POLK: variants seen among roughly 807,000 people sequenced by gnomAD.
The protein encoded by POLK is polymerase (DNA directed) kappa.
A neutral mutation model predicts 94.0 loss-of-function variants in POLK; 76 were observed. The observed-to-expected ratio is 0.81, with a 90% confidence interval of 0.67 to 0.98. The LOEUF (loss-of-function observed/expected upper bound fraction) is 0.98. Among genes scored for constraint, POLK ranks in the 50% least tolerant of loss-of-function variants. POLK has a pLI of 0.00. For missense variants in POLK, 954 were observed against 1,010.1 expected, an observed-to-expected ratio of 0.94 and a Z score of 0.75; for synonymous variants, 349 against 325.4, an observed-to-expected ratio of 1.07 and a Z score of -0.78.
chr5:75,596,385 G>T (rs781194178), exon 13 of POLK: 4 of 1,613,692 alleles, frequency 2.5e-6, no homozygotes, highest in Non-Finnish European at 3.4e-6. Context: ...TGTCTCATAA[G>T]AAGAGTTTCT....
intron 1 of POLK, among the ~76,000 whole-genome samples, chr5:75,531,290 T>C (rs1769167661): frequency 6.8e-6 from 1 of 147,898 alleles, no homozygotes. Context: ...GTTTATATAC[T>C]ATGTATAAAC....
rs145265233 is a variant in POLK at position 75,581,265 on chromosome 5, C to G, written c.751C>G (p.Leu251Val). The G allele has an allele frequency of 1.4e-5, 22 of 1,607,398 alleles. No individual in the cohort carries two copies. In the African/African-American group the frequency reaches 2.0e-4, roughly 15 times the overall value. The change falls in exon 7 of 15, where the codon CTA becomes GTA. Residue 251 changes from leucine (L) to valine (V), a missense_variant. Transcript: ENST00000241436. ...TGAGCATGAACGATCCATCTCTCCA[C>G]TACTTTTTGAAGAGAGTCCTTCTGA...
intron 1 of POLK, among the ~76,000 whole-genome samples, chr5:75,546,088 A>G (rs767194407): frequency 2.6e-5 from 4 of 152,174 alleles, no homozygotes; most frequent in Non-Finnish European, 4.4e-5. Context: ...CCCACACACA[A>G]TCAAAAATTC....
At chr5:75,593,811 C>A (rs1256994702) in intron 11 of POLK, 67 bp from the exon 12 acceptor site, 1 of 965,260 alleles carries the variant, frequency 1.0e-6, no homozygotes, top group Non-Finnish European at 1.5e-6. Flanking sequence ...CCAGCGCACT[C>A]CAGCATGGAC....
intron 1 of POLK, among the ~76,000 whole-genome samples, chr5:75,542,644 CATATATACACATAT>C (rs529367466): frequency 0.05 from 7,286 of 145,554 alleles, 545 homozygotes; most frequent in African/African-American, 0.17. Flanking sequence ...TACACATATA[CATATATACACATAT>C]ATATATACAC....
intron 1 of POLK, among the ~76,000 whole-genome samples, chr5:75,530,209 T>A (rs1769081946): frequency 6.6e-6 from 1 of 151,620 alleles, no homozygotes; most frequent in African/African-American, 2.4e-5. Flanking sequence ...TTTCTCACAT[T>A]TCAGGGTATT....
chr5:75,517,675 T>C (rs539419587), intron 1 of POLK, among the ~76,000 whole-genome samples: 88 of 152,290 alleles, frequency 5.8e-4, no homozygotes, highest in Middle Eastern at 3.4e-3. Context: ...CAGTATTATA[T>C]TAGATAACAG....
At chr5:75,533,011 A>G (rs1358232052) in intron 1 of POLK, among the ~76,000 whole-genome samples, 1 of 152,184 alleles carries the variant, frequency 6.6e-6, no homozygotes, top group Non-Finnish European at 1.5e-5. Context: ...CGTAGTTTGC[A>G]GAAATTTTCT....
intron 10 of POLK, among the ~76,000 whole-genome samples, chr5:75,589,854 T>C (rs1772686647): frequency 6.6e-6 from 1 of 152,226 alleles, no homozygotes; most frequent in Non-Finnish European, 1.5e-5. Context: ...TTTAATCTTA[T>C]CAGCCTTCTA....
At chr5:75,511,664 G>T, upstream of POLK, 1 of 1,500,676 alleles carries the variant, frequency 6.7e-7, no homozygotes. Flanking sequence ...CCTCCCCTTC[G>T]TCCTCCCATT....
chr5:75,541,824 A>G (rs748982548), intron 1 of POLK, among the ~76,000 whole-genome samples: 4 of 152,326 alleles, frequency 2.6e-5, no homozygotes, highest in African/African-American at 9.6e-5. Flanking sequence ...AATTGTGGCC[A>G]TATGGTTTCA....
chr5:75,546,563 C>T (rs779884981), intron 1 of POLK, among the ~76,000 whole-genome samples: 11 of 152,056 alleles, frequency 7.2e-5, no homozygotes, highest in African/African-American at 1.7e-4. Flanking sequence ...TATCATTTAA[C>T]GTTTTAAAAC....
chr5:75,581,283 CCTT>C lies in POLK; in HGVS notation c.772_774del (p.Ser258del), dbSNP rs773915529. 2.5e-6 allele frequency: 4 copies of C among 1,611,942 alleles called. No individual in the cohort carries two copies. The African/African-American group carries it at 5.3e-5, about 21-fold the overall frequency. Reference sequence around the variant, plus strand: ...CTCTCCACTACTTTTTGAAGAGAGTCCTTCTGATGTGCAGCCCCCAGGAGATCC... The same window carrying C: ...CTCTCCACTACTTTTTGAAGAGAGTCCTGATGTGCAGCCCCCAGGAGATCC... On this transcript the variant is annotated inframe_deletion, in exon 7 of 15. Transcript: ENST00000241436.
rs1233371293 is a variant in POLK at position 75,588,222 on chromosome 5, T to C, written c.1259+1164T>C. On this transcript the variant is annotated intron_variant, in intron 10 of 14. Coordinates refer to ENST00000241436, the Ensembl canonical transcript of POLK. ...TTCTCCACTTTTTTTTTCTGGAAAC[T>C]TTCTCCCCTTGGCTTTCTAAAATGG... Among the ~76,000 whole-genome samples, 3 of 152,120 alleles carry C rather than the reference T, an allele frequency of 2.0e-5. No individual in the cohort carries two copies. The East Asian group carries it at 5.8e-4, about 29-fold the overall frequency.
downstream of POLK, among the ~76,000 whole-genome samples, chr5:75,603,647 A>T (rs1304998253): frequency 6.6e-6 from 1 of 152,080 alleles, no homozygotes; most frequent in Admixed American, 6.6e-5. Context: ...CCTATATATC[A>T]CTGTCCATGA....
chr5:75,542,608 CATATACACATAT>C (rs908822416), intron 1 of POLK, among the ~76,000 whole-genome samples: 1 of 149,930 alleles, frequency 6.7e-6, no homozygotes, highest in Admixed American at 6.7e-5. Context: ...TGTATATACA[CATATACACATAT>C]ATATACACAT....
Position 75,569,323 on chromosome 5 carries a change from T to C in POLK, c.256-17T>C. ...TTATGTTGTCTAAAAGTATGTTAAC[T>C]TTTTTAAAAAATTAAGGTTGACAGA... On this transcript the variant is annotated splice_polypyrimidine_tract_variant and intron_variant, in intron 3 of 14. Transcript: ENST00000241436. 1 of 1,584,486 alleles carries C rather than the reference T, an allele frequency of 6.3e-7. No homozygotes were observed. The highest frequency in any genetic ancestry group is 1.1e-5 in the South Asian group (1 of 88,098).
chr5:75,548,555 G>A (rs1770170616), intron 2 of POLK, among the ~76,000 whole-genome samples: 1 of 149,514 alleles, frequency 6.7e-6, no homozygotes, highest in Admixed American at 6.7e-5. Context: ...ATGTATATTA[G>A]TATGTTGTAT....
At chr5:75,552,923 C>A (rs536148980) in intron 3 of POLK, among the ~76,000 whole-genome samples, 9 of 152,150 alleles carry the variant, frequency 5.9e-5, no homozygotes, top group Admixed American at 5.9e-4. Context: ...TTGTATACAT[C>A]GCAGCTAGAA....
Sources: gnomAD v4.1 joint callset for allele counts (sites outside exome capture counted in the v4.1 genomes callset) on GRCh38, gnomAD v4.1.1 for gene constraint, MANE v1.5 for transcripts, NCBI Gene and HGNC (gene_info 2026-07-23, HGNC 2026-07-21) for gene names.